The following SVOP variants were observed in gnomAD, a reference collection of about 807,000 sequenced individuals.
SVOP encodes SV2 related protein, also known as synaptic vesicle 2-related protein.
SVOP carries 17 observed loss-of-function variants against 69.1 expected under a neutral mutation model. That is an observed-to-expected ratio of 0.25 (90% confidence interval 0.17 to 0.37). The LOEUF (loss-of-function observed/expected upper bound fraction) is 0.37, where lower values mean the gene tolerates loss of function less well. SVOP is among the 10% of genes least tolerant of loss of function. The pLI, the probability that SVOP is intolerant of heterozygous loss-of-function variation, is 1.00. For synonymous variants in SVOP, 238 were observed against 238.6 expected, an observed-to-expected ratio of 1.00 and a Z score of 0.02; for missense variants, 435 against 597.5, an observed-to-expected ratio of 0.73 and a Z score of 2.84.
At chr12:109,000,944 G>T (rs953921604) in intron 1 of SVOP, among the ~76,000 whole-genome samples, 3 of 150,462 alleles carry the variant, frequency 2.0e-5, no homozygotes, top group African/African-American at 7.3e-5. Context: ...TCAACATAGT[G>T]TTGGCAGTTC....
intron 11 of SVOP, among the ~76,000 whole-genome samples, chr12:108,925,045 G>C (rs966310118): frequency 6.6e-6 from 1 of 151,572 alleles, no homozygotes; most frequent in African/African-American, 2.4e-5. Context: ...ACAAATCAAA[G>C]AATCTCTAAG....
chr12:108,966,766 G>C (rs2040048039), intron 5 of SVOP, among the ~76,000 whole-genome samples: 1 of 152,144 alleles, frequency 6.6e-6, no homozygotes, highest in Non-Finnish European at 1.5e-5. Flanking sequence ...AGCCTTCCTG[G>C]GCTTCATCTA....
chr12:108,990,555 T>G (rs373198815), intron 1 of SVOP, among the ~76,000 whole-genome samples: 2 of 151,734 alleles, frequency 1.3e-5, no homozygotes, highest in African/African-American at 4.8e-5. Context: ...ATATACCTAA[T>G]GTAAATGACG....
intron 4 of SVOP, among the ~76,000 whole-genome samples, chr12:108,976,421 C>T (rs752578973): frequency 6.6e-6 from 1 of 152,166 alleles, no homozygotes; most frequent in Non-Finnish European, 1.5e-5. Flanking sequence ...CTCTCTGTGC[C>T]TCATCTTGCT....
At chr12:108,988,408 T>A (rs2040178296) in intron 1 of SVOP, among the ~76,000 whole-genome samples, 1 of 152,218 alleles carries the variant, frequency 6.6e-6, no homozygotes, top group African/African-American at 2.4e-5. Context: ...ATATATGGTG[T>A]TAGGTAAGAG....
intron 1 of SVOP, among the ~76,000 whole-genome samples, chr12:108,998,248 G>T (rs2040247859): frequency 6.6e-6 from 1 of 150,968 alleles, no homozygotes; most frequent in South Asian, 2.1e-4. Context: ...AAGCGAGAAG[G>T]GAAGTTTAGA....
intron 10 of SVOP, among the ~76,000 whole-genome samples, chr12:108,936,804 C>T (rs1593183019): frequency 7.4e-6 from 1 of 134,420 alleles, no homozygotes; most frequent in Non-Finnish European, 1.6e-5. Flanking sequence ...AATACAGAGG[C>T]TCACTGCCTC....
intron 4 of SVOP, among the ~76,000 whole-genome samples, chr12:108,975,742 C>A (rs144008775): frequency 9.8e-4 from 149 of 152,256 alleles, no homozygotes; most frequent in African/African-American, 3.4e-3. Flanking sequence ...CACTCTGTCA[C>A]CCAGGCTGGA....
chr12:108,969,300 C>G (rs898079507), intron 5 of SVOP, among the ~76,000 whole-genome samples: 3 of 149,502 alleles, frequency 2.0e-5, no homozygotes, highest in Admixed American at 1.3e-4. Flanking sequence ...CACTCTCTCT[C>G]CCTACCTCCT....
chr12:109,011,818 G>A lies in SVOP; in HGVS notation c.35+9016C>T, dbSNP rs144018271. On this transcript the variant is annotated intron_variant, in intron 1 of 15. Coordinates refer to ENST00000610966, the MANE Select transcript of SVOP (RefSeq NM_018711.5). ...ATTTGCAACAACATGAACGAACCTG[G>A]AGGACATTGTGTTAAGTGAAATAAG... is the stretch of plus-strand genomic sequence containing the variant. Among the ~76,000 whole-genome samples the A allele has an allele frequency of 2.0e-3, 298 of 152,286 alleles. 1 individual carries two copies. The highest frequency in any genetic ancestry group is 6.7e-3 in the African/African-American group (280 of 41,562).
In SVOP at chr12:108,967,774, C is replaced by T. The variant is rs184940057; in HGVS notation, c.453+4631G>A. ...TGCCAGTAGCACACCCCTCCCCCAACGTGTGACAATCAAAAATGTCTCTAG... is the reference window on the plus strand; with the variant it reads ...TGCCAGTAGCACACCCCTCCCCCAATGTGTGACAATCAAAAATGTCTCTAG... On this transcript the variant is annotated intron_variant, in intron 5 of 15. Transcript: ENST00000610966. Among the ~76,000 whole-genome samples, 204 of 152,296 alleles carry T rather than the reference C, an allele frequency of 1.3e-3. 1 individual carries two copies. Among genetic ancestry groups the T allele is most frequent in the African/African-American group, 4.2e-3 (176 of 41,562 alleles).
At chr12:108,919,242 C>G (rs537088778) in intron 13 of SVOP, among the ~76,000 whole-genome samples, 1 of 150,506 alleles carries the variant, frequency 6.6e-6, no homozygotes, top group Admixed American at 6.6e-5. Flanking sequence ...ACACCTGTAC[C>G]TACACTTGAG....
intron 6 of SVOP, among the ~76,000 whole-genome samples, chr12:108,946,690 TTTATTATTATTA>T (rs370752888): frequency 0.12 from 16,091 of 136,440 alleles, 1,061 homozygotes; most frequent in East Asian, 0.29. Flanking sequence ...GCAACCTGTT[TTTATTATTATTA>T]TTATTATTAT....
intron 1 of SVOP, among the ~76,000 whole-genome samples, chr12:108,995,721 T>C (rs1379877517): frequency 2.0e-5 from 3 of 152,006 alleles, no homozygotes. Flanking sequence ...GCCAACATGG[T>C]GAAACCCTGT....
chr12:108,946,364 C>T (rs1056488984), intron 6 of SVOP, among the ~76,000 whole-genome samples: 2 of 151,978 alleles, frequency 1.3e-5, no homozygotes, highest in Non-Finnish European at 2.9e-5. Context: ...CTTCCCAAAG[C>T]GCTAGGATTA....
chr12:108,982,734 T>A (rs1055785612), intron 2 of SVOP, among the ~76,000 whole-genome samples: 27 of 149,332 alleles, frequency 1.8e-4, no homozygotes, highest in Non-Finnish European at 3.7e-4. Flanking sequence ...ATCATCACTA[T>A]CATCATCACC....
Position 108,991,084 on chromosome 12 carries a change from T to C in SVOP, c.36-7323A>G, listed in dbSNP as rs922679752. ...ACTCTCTTGTTGGCTGAGCTGGGCG[T>C]CTACAACTCACCGTCCTACCCTGAG... On this transcript the variant is annotated intron_variant, in intron 1 of 15. Transcript: ENST00000610966. Among the ~76,000 whole-genome samples, 9 of 152,226 alleles carry C rather than the reference T, an allele frequency of 5.9e-5. No homozygotes were observed. In the East Asian group the frequency reaches 1.7e-3, roughly 30 times the overall value.
chr12:108,972,595 T>G (rs373738953), intron 4 of SVOP, 119 bp from the exon 5 acceptor site: 10 of 1,050,442 alleles, frequency 9.5e-6, no homozygotes, highest in Middle Eastern at 2.8e-4. Context: ...TAACATTCAC[T>G]GAGAGCCTGC....
intron 6 of SVOP, among the ~76,000 whole-genome samples, chr12:108,957,150 C>T (rs1461887665): frequency 1.3e-5 from 2 of 152,030 alleles, no homozygotes; most frequent in Non-Finnish European, 2.9e-5. Flanking sequence ...CCACAGGAGA[C>T]ACAGCAAGAG....
Sources: allele counts gnomAD v4.1 joint callset (sites outside exome capture counted in the v4.1 genomes callset), GRCh38; gene constraint gnomAD v4.1.1; transcripts MANE v1.5; gene names NCBI Gene and HGNC (gene_info 2026-07-23, HGNC 2026-07-21).